The following TRPC6 variants were observed in gnomAD, a reference collection of about 807,000 sequenced individuals.
TRPC6 encodes the protein short transient receptor potential channel 6.
A neutral mutation model predicts 90.7 loss-of-function variants in TRPC6; 55 were observed. The observed-to-expected ratio is 0.61, with a 90% CI of 0.49 to 0.76. TRPC6 has a LOEUF of 0.76. Ranked by LOEUF, TRPC6 falls within the 30% of genes least tolerant of loss-of-function variation. The probability of loss-of-function intolerance (pLI) is 0.00; values close to 1 mark genes in which losing one functional copy is unlikely to be tolerated. For missense variants in TRPC6, 989 were observed against 1,122.7 expected, an observed-to-expected ratio of 0.88 and a Z score of 1.70; for synonymous variants, 393 against 393.0, an observed-to-expected ratio of 1.00 and a Z score of 0.00.
At chr11:101,476,712 C>A (rs1859426670) in intron 5 of TRPC6, among the ~76,000 whole-genome samples, 178 bp from the exon 6 acceptor site, 1 of 152,190 alleles carries the variant, frequency 6.6e-6, no homozygotes, top group Non-Finnish European at 1.5e-5. Context: ...CCAGAAATAT[C>A]AGTGCATACC....
At chr11:101,487,082 T>C (rs1027313679) in intron 4 of TRPC6, among the ~76,000 whole-genome samples, 2 of 152,096 alleles carry the variant, frequency 1.3e-5, no homozygotes, top group African/African-American at 4.8e-5. Context: ...TAGAATTCAA[T>C]CAAAATTTAA....
chr11:101,466,278 A>T (rs1398022021), intron 10 of TRPC6, among the ~76,000 whole-genome samples: 2 of 152,090 alleles, frequency 1.3e-5, no homozygotes, highest in African/African-American at 4.8e-5. Context: ...CCAGGCAGGG[A>T]TGTTTAAGTC....
rs116907060 is a variant in TRPC6 at position 101,510,954 on chromosome 11, T to C, written c.171-6156A>G. Among the ~76,000 whole-genome samples the C allele has an allele frequency of 7.1e-3, 1,088 of 152,300 alleles. 11 individuals are homozygous for C. Among genetic ancestry groups the C allele is most frequent in the Middle Eastern group, 0.027 (8 of 294 alleles). On this transcript the variant is annotated intron_variant, in intron 1 of 12. Transcript: ENST00000344327. ...GCTTTAAAAATCCTTACAAATATTTTAAAGCGCAATTCTATTACAGCAGAA... is the reference window on the plus strand; with the variant it reads ...GCTTTAAAAATCCTTACAAATATTTCAAAGCGCAATTCTATTACAGCAGAA...
At chr11:101,503,789 C>T (rs747529162) in intron 2 of TRPC6, among the ~76,000 whole-genome samples, 55 of 152,032 alleles carry the variant, frequency 3.6e-4, no homozygotes, top group Non-Finnish European at 1.6e-4. Flanking sequence ...TCAAGGGGAA[C>T]GGATAAAGAT....
chr11:101,583,683 G>T lies in TRPC6; in HGVS notation c.-180C>A. On this transcript the variant is annotated 5_prime_UTR_variant, in exon 1 of 13. Coordinates refer to ENST00000344327, the MANE Select transcript of TRPC6 (RefSeq NM_004621.6). ...CCCGCCGCAAGTGGCTCGCCCACTG[G>T]CCCGGGGAAAAGTCACCACTTAAGG... 1 of 601,862 alleles carries T rather than the reference G, an allele frequency of 1.7e-6. No individual in the cohort carries two copies. Among genetic ancestry groups the T allele is most frequent in the Non-Finnish European group, 2.6e-6 (1 of 381,472 alleles). 37.3% of individuals were successfully genotyped at this position (601,862 alleles called of 1,614,324 possible).
chr11:101,551,009 C>A (rs1861437423), intron 1 of TRPC6, among the ~76,000 whole-genome samples: 1 of 151,606 alleles, frequency 6.6e-6, no homozygotes, highest in Non-Finnish European at 1.5e-5. Flanking sequence ...TTAAAATAAT[C>A]TTTTCATTAA....
At chr11:101,458,595 T>A (rs1858936994) in intron 10 of TRPC6, among the ~76,000 whole-genome samples, 1 of 152,184 alleles carries the variant, frequency 6.6e-6, no homozygotes, top group South Asian at 2.1e-4. Context: ...TCAGTGACCT[T>A]TAGAGTTAAA....
At chr11:101,496,944 T>G (rs1257598881) in intron 2 of TRPC6, among the ~76,000 whole-genome samples, 1 of 152,214 alleles carries the variant, frequency 6.6e-6, no homozygotes, top group African/African-American at 2.4e-5. Flanking sequence ...CTGCCTCTCT[T>G]GAATAGACTC....
At chr11:101,561,993 C>G (rs1451815690) in intron 1 of TRPC6, among the ~76,000 whole-genome samples, 1 of 151,992 alleles carries the variant, frequency 6.6e-6, no homozygotes. Flanking sequence ...GCCTGGGGCA[C>G]AGCTCACAAA....
At chr11:101,507,079 C>T (rs769485586) in intron 1 of TRPC6, among the ~76,000 whole-genome samples, 3 of 150,280 alleles carry the variant, frequency 2.0e-5, no homozygotes, top group Non-Finnish European at 4.4e-5. Context: ...CTTATCATTC[C>T]AGAATTGTTA....
intron 1 of TRPC6, among the ~76,000 whole-genome samples, chr11:101,569,162 A>G (rs1459000659): frequency 2.0e-5 from 3 of 151,592 alleles, no homozygotes; most frequent in African/African-American, 7.3e-5. Context: ...AAAGGGATGG[A>G]GGAATATTTA....
At chr11:101,567,753 C>CTG (rs1861869206) in intron 1 of TRPC6, among the ~76,000 whole-genome samples, 1 of 152,174 alleles carries the variant, frequency 6.6e-6, no homozygotes, top group African/African-American at 2.4e-5. Context: ...CCAGCACATT[C>CTG]CAGCAAACCT....
rs77612469 is a variant in TRPC6 at position 101,460,891 on chromosome 11, A to G, written c.2485-5790T>C. ...TTGGAGAGGGACACTGTTATTCTTG[A>G]GACTAATAATTCATAACCTCTTATC... On this transcript the variant is annotated intron_variant, in intron 10 of 12. Coordinates refer to ENST00000344327, the MANE Select transcript of TRPC6 (RefSeq NM_004621.6). Among the ~76,000 whole-genome samples the G allele has an allele frequency of 4.4e-4, 67 of 152,326 alleles. 1 individual carries two copies. Among genetic ancestry groups the G allele is most frequent in the African/African-American group, 1.5e-3 (64 of 41,578 alleles).
chr11:101,534,427 C>T (rs887711246), intron 1 of TRPC6, among the ~76,000 whole-genome samples: 4 of 152,100 alleles, frequency 2.6e-5, no homozygotes, highest in African/African-American at 4.8e-5. Context: ...TTAGCCACTG[C>T]GACTGGTACC....
intron 10 of TRPC6, among the ~76,000 whole-genome samples, chr11:101,460,162 C>T (rs1858973322): frequency 6.6e-6 from 1 of 152,130 alleles, no homozygotes; most frequent in South Asian, 2.1e-4. Context: ...TTTATATCTT[C>T]ATATTAATCC....
At chr11:101,526,201 C>A (rs769583718) in intron 1 of TRPC6, among the ~76,000 whole-genome samples, 1 of 152,148 alleles carries the variant, frequency 6.6e-6, no homozygotes, top group African/African-American at 2.4e-5. Flanking sequence ...ACAATGACCA[C>A]TCATAGGCAT....
intron 2 of TRPC6, among the ~76,000 whole-genome samples, chr11:101,501,992 G>A (rs1177263159): frequency 1.3e-5 from 2 of 152,138 alleles, no homozygotes; most frequent in East Asian, 1.9e-4. Flanking sequence ...ATAGAGGCAG[G>A]GCATTAGCAA....
At chr11:101,505,088 G>A (rs1262862882) in intron 1 of TRPC6, among the ~76,000 whole-genome samples, 1 of 152,138 alleles carries the variant, frequency 6.6e-6, no homozygotes, top group Non-Finnish European at 1.5e-5. Flanking sequence ...GTACTATATA[G>A]ATGGTATAGA....
chr11:101,504,460 C>G lies in TRPC6; in HGVS notation c.509G>C (p.Ser170Thr). Residue 170 changes from serine (S) to threonine (T), a missense_variant, in exon 2 of 13, where the codon AGT becomes ACT. By Grantham distance (58) the Ser-to-Thr change is moderately conservative (BLOSUM62 1). Coordinates refer to ENST00000344327, the MANE Select transcript of TRPC6 (RefSeq NM_004621.6). ...TTCCACAATCCGAACATAACCTTTA[C>G]TAATAGCTAGAAGCAAAGCATCCCC... ...RVGDALLLAISKGYVRIVEAI... is the reference protein window; with the variant it reads ...RVGDALLLAITKGYVRIVEAI... The G allele has an allele frequency of 1.2e-6, 2 of 1,614,112 alleles. No individual in the cohort carries two copies. Among genetic ancestry groups the G allele is most frequent in the Non-Finnish European group, 1.7e-6 (2 of 1,180,012 alleles).
Sources: allele counts gnomAD v4.1 joint callset (sites outside exome capture counted in the v4.1 genomes callset), GRCh38; gene constraint gnomAD v4.1.1; transcripts MANE v1.5; gene names NCBI Gene and HGNC (gene_info 2026-07-23, HGNC 2026-07-21).